Variants in IGSF11 observed in about 807,000 individuals in gnomAD.
The protein encoded by IGSF11 is immunoglobulin superfamily member 11.
In IGSF11, 22 loss-of-function variants were observed where a neutral mutation model predicts 41.0. The ratio of observed to expected loss-of-function variants is 0.54; its 90% CI spans 0.38 to 0.77. The LOEUF (loss-of-function observed/expected upper bound fraction) is 0.77, where lower values mean the gene tolerates loss of function less well. Ranked by LOEUF, IGSF11 falls within the 30% of genes least tolerant of loss-of-function variation. The pLI, the probability that IGSF11 is intolerant of heterozygous loss-of-function variation, is 0.00. For synonymous variants in IGSF11, 219 were observed against 201.3 expected (o/e 1.09, Z -0.74); for missense variants, 444 against 530.8 (o/e 0.84, Z 1.61).
At chr3:119,034,883 C>A (rs571909220), upstream of IGSF11, 2,428 of 1,132,150 alleles carry the variant, frequency 2.1e-3, 5 homozygotes, top group Non-Finnish European at 2.4e-3. Context: ...GCCACTCCCC[C>A]CAACTCACGC....
chr3:118,971,056 C>G (rs2107618005), intron 1 of IGSF11, among the ~76,000 whole-genome samples: 1 of 152,286 alleles, frequency 6.6e-6, no homozygotes, highest in South Asian at 2.1e-4. Context: ...CTGGAGCTCA[C>G]AGATGTGCCT....
chr3:119,103,490 T>C (rs937676755), intron 1 of IGSF11, among the ~76,000 whole-genome samples: 1 of 152,154 alleles, frequency 6.6e-6, no homozygotes, highest in African/African-American at 2.4e-5. Flanking sequence ...AGGAGGTTTA[T>C]AAGAGGAAGG....
At chr3:119,124,020 ACC>A (rs2077366947) in intron 1 of IGSF11, among the ~76,000 whole-genome samples, 3 of 152,290 alleles carry the variant, frequency 2.0e-5, no homozygotes, top group Non-Finnish European at 4.4e-5. Context: ...TAAATAAGGC[ACC>A]AGGGACCAAT....
chr3:118,991,095 G>A (rs765760454), intron 1 of IGSF11, among the ~76,000 whole-genome samples: 1 of 152,142 alleles, frequency 6.6e-6, no homozygotes, highest in African/African-American at 2.4e-5. Context: ...CAGGCTTAGG[G>A]AGCCCATAAA....
chr3:119,084,740 C>T (rs1323923576), intron 1 of IGSF11, among the ~76,000 whole-genome samples: 1 of 152,226 alleles, frequency 6.6e-6, no homozygotes, highest in Non-Finnish European at 1.5e-5. Context: ...CTTGCTTCAT[C>T]TGAGTGCATT....
chr3:119,025,412 T>C (rs1011616828), intron 1 of IGSF11, among the ~76,000 whole-genome samples: 28 of 152,192 alleles, frequency 1.8e-4, no homozygotes, highest in African/African-American at 6.0e-4. Flanking sequence ...GACTTAAAAA[T>C]TGGGACTGAT....
At chr3:118,916,557 C>G (rs1165818208) in intron 4 of IGSF11, among the ~76,000 whole-genome samples, 2 of 151,316 alleles carry the variant, frequency 1.3e-5, no homozygotes, top group Non-Finnish European at 2.9e-5. Flanking sequence ...GAGGAGCTAA[C>G]TATCCTAAAT....
chr3:119,056,048 C>A (rs1206610470), intron 1 of IGSF11, among the ~76,000 whole-genome samples: 2 of 151,996 alleles, frequency 1.3e-5, no homozygotes, highest in Non-Finnish European at 2.9e-5. Flanking sequence ...ACCCTAATAT[C>A]ACAATTAAAA....
chr3:118,912,344 T>C (rs1940431216), intron 4 of IGSF11, among the ~76,000 whole-genome samples: 1 of 152,172 alleles, frequency 6.6e-6, no homozygotes, highest in Non-Finnish European at 1.5e-5. Context: ...GCTGCAGGAC[T>C]TGGAGAGTGG....
At chr3:119,070,827 G>A (rs1327875363) in intron 1 of IGSF11, among the ~76,000 whole-genome samples, 4 of 152,168 alleles carry the variant, frequency 2.6e-5, no homozygotes, top group South Asian at 2.1e-4. Flanking sequence ...GCAGTATTAG[G>A]GCAAAAGGCT....
At position 118,902,463 on chromosome 3, in the gene IGSF11, C is replaced by T. The variant is rs1001851707; in HGVS notation, c.*57G>A. The T allele has an allele frequency of 6.9e-6, 5 of 724,256 alleles. No individual in the cohort carries two copies. Among genetic ancestry groups the T allele is most frequent in the Admixed American group, 6.1e-5 (3 of 48,972 alleles). The allele number at this position is 724,256 out of a possible 1,614,324, so 44.9% of individuals were successfully genotyped here. A position where few individuals can be genotyped will look rare whatever the true frequency, so the allele number is the denominator to read the frequency against. On this transcript the variant is annotated 3_prime_UTR_variant, in exon 7 of 7. Coordinates refer to ENST00000393775, the MANE Select transcript of IGSF11 (RefSeq NM_001015887.3). ...TCCCAGCACTCCCCACCCCACCCTC[C>T]CCCTTGTATGAGGGCATTCCATTTA...
intron 1 of IGSF11, among the ~76,000 whole-genome samples, chr3:119,124,576 T>C (rs2077377903): frequency 6.6e-6 from 1 of 151,394 alleles, no homozygotes; most frequent in Non-Finnish European, 1.5e-5. Context: ...GAAGAATGAA[T>C]TAGTAAGCTT....
intron 3 of IGSF11, 51 bp downstream of exon 3, chr3:118,928,458 A>G: frequency 7.0e-7 from 1 of 1,421,758 alleles, no homozygotes; most frequent in African/African-American, 1.4e-5. Flanking sequence ...TATGCTTGAG[A>G]GTAGCTTCGT....
chr3:119,071,695 T>A (rs1441760642), intron 1 of IGSF11, among the ~76,000 whole-genome samples: 6 of 152,234 alleles, frequency 3.9e-5, no homozygotes, highest in Non-Finnish European at 8.8e-5. Flanking sequence ...TATATGTCCA[T>A]CATCATGCCA....
intron 1 of IGSF11, among the ~76,000 whole-genome samples, chr3:118,939,889 C>T (rs1943557006): frequency 6.6e-6 from 1 of 151,990 alleles, no homozygotes; most frequent in Non-Finnish European, 1.5e-5. Context: ...GACAGAAAAA[C>T]AACAGGGTAA....
intron 1 of IGSF11, among the ~76,000 whole-genome samples, chr3:119,116,744 A>G (rs2077260706): frequency 6.6e-6 from 1 of 152,162 alleles, no homozygotes; most frequent in South Asian, 2.1e-4. Flanking sequence ...AAATTCACCA[A>G]TTACTCTTGC....
chr3:118,980,722 C>T (rs187240047), intron 1 of IGSF11, among the ~76,000 whole-genome samples: 237 of 152,276 alleles, frequency 1.6e-3, no homozygotes, highest in Non-Finnish European at 2.4e-3. Context: ...ACTTGGATGA[C>T]GGATACCCTA....
intron 1 of IGSF11, among the ~76,000 whole-genome samples, chr3:119,101,057 C>A (rs1446734197): frequency 6.6e-6 from 1 of 152,226 alleles, no homozygotes; most frequent in Non-Finnish European, 1.5e-5. Flanking sequence ...CACTACTCAT[C>A]ATTCTAACAC....
At chr3:119,022,644 G>A (rs1346541413) in intron 1 of IGSF11, among the ~76,000 whole-genome samples, 1 of 152,110 alleles carries the variant, frequency 6.6e-6, no homozygotes, top group Non-Finnish European at 1.5e-5. Context: ...AATCAGGGAA[G>A]TACAAAACAC....
Sources: gnomAD v4.1 joint callset for allele counts (sites outside exome capture counted in the v4.1 genomes callset) on GRCh38, gnomAD v4.1.1 for gene constraint, MANE v1.5 for transcripts, NCBI Gene and HGNC (gene_info 2026-07-23, HGNC 2026-07-21) for gene names.